Variants in AXIN1 observed in about 807,000 individuals in gnomAD.
The protein encoded by AXIN1 is axin 1.
A neutral mutation model predicts 76.4 loss-of-function variants in AXIN1; 30 were observed. That is an observed-to-expected ratio of 0.39 (90% CI 0.29 to 0.53). The LOEUF (loss-of-function observed/expected upper bound fraction) is 0.53, where lower values mean the gene tolerates loss of function less well. AXIN1 is among the 20% of genes least tolerant of loss of function. The pLI is 0.66. For missense variants in AXIN1, 1,140 were observed against 1,198.8 expected (o/e 0.95, Z 0.72); for synonymous variants, 545 against 501.4 (o/e 1.09, Z -1.16).
intron 2 of AXIN1, among the ~76,000 whole-genome samples, chr16:319,413 G>C (rs8064205): frequency 6.6e-6 from 1 of 152,004 alleles, no homozygotes; most frequent in Non-Finnish European, 1.5e-5. Context: ...AAGTCCAGTG[G>C]AGCGGTGAGG....
At position 289,490 on chromosome 16, in the gene AXIN1, A is replaced by G. The variant is rs2141467626; in HGVS notation, c.2412T>C (p.Ala804=). The G allele has an allele frequency of 6.2e-7, 1 of 1,612,944 alleles. No homozygotes were observed. Among genetic ancestry groups the G allele is most frequent in the Non-Finnish European group, 8.5e-7 (1 of 1,180,020 alleles). ...GCTCCTTGAACTGGCCCAGGGTGAC[A>G]GCGCGGCCCCTCACCAGGGTGCGGT... ...IPYRTLVRGR[A]VTLGQFKELL... Residue 804 remains alanine, a synonymous_variant, in exon 10 of 11, where the codon GCT becomes GCC. Coordinates refer to ENST00000262320, the MANE Select transcript of AXIN1 (RefSeq NM_003502.4).
At chr16:350,032 C>T (rs1384226363) in intron 1 of AXIN1, among the ~76,000 whole-genome samples, 1 of 152,176 alleles carries the variant, frequency 6.6e-6, no homozygotes, top group Non-Finnish European at 1.5e-5. Flanking sequence ...CAAAGCAATC[C>T]ACCCGCCTCG....
intron 2 of AXIN1, among the ~76,000 whole-genome samples, chr16:337,189 G>T (rs1460905888): frequency 3.4e-5 from 5 of 145,066 alleles, no homozygotes; most frequent in Non-Finnish European, 1.5e-5. Context: ...ACACATTTAC[G>T]TGTATCCTTT....
chr16:304,181 G>A (rs111634891), intron 5 of AXIN1, 123 bp downstream of exon 5: 5 of 1,516,876 alleles, frequency 3.3e-6, no homozygotes, highest in Non-Finnish European at 3.6e-6. Context: ...CAGCCGGGAG[G>A]CCTCATGGGT....
chr16:327,115 C>G (rs2053601208), intron 2 of AXIN1, among the ~76,000 whole-genome samples: 1 of 151,790 alleles, frequency 6.6e-6, no homozygotes, highest in South Asian at 2.1e-4. Flanking sequence ...GCACTCCAAC[C>G]TGGGCGACAG....
intron 5 of AXIN1, 43 bp downstream of exon 5, chr16:304,261 C>A (rs764038659): frequency 6.2e-7 from 1 of 1,600,162 alleles, no homozygotes; most frequent in Non-Finnish European, 8.5e-7. Flanking sequence ...AAGAAAACAG[C>A]ACGACACCGA....
chr16:309,147 G>A lies in AXIN1; in HGVS notation c.1116+826C>T, dbSNP rs779141619. ...AGATCGAGACCATCCTGGCTAATAC[G>A]GTGAAACCCCATCTCTACTAAAAAT... On this transcript the variant is annotated intron_variant, in intron 4 of 10. Transcript: ENST00000262320. Among the ~76,000 whole-genome samples the A allele has an allele frequency of 9.9e-5, 15 of 151,980 alleles. 1 individual carries two copies. Among genetic ancestry groups the A allele is most frequent in the Admixed American group, 3.9e-4 (6 of 15,250 alleles).
intron 2 of AXIN1, among the ~76,000 whole-genome samples, chr16:342,226 G>A (rs1178665138): frequency 1.3e-5 from 2 of 152,258 alleles, no homozygotes; most frequent in African/African-American, 4.8e-5. Flanking sequence ...CCTGAAGCCA[G>A]TGAGACCACG....
chr16:320,238 G>A (rs1167332943), intron 2 of AXIN1, among the ~76,000 whole-genome samples: 2 of 152,084 alleles, frequency 1.3e-5, no homozygotes, highest in South Asian at 2.1e-4. Flanking sequence ...TATAGATGAG[G>A]TCTCACTATG....
At chr16:320,743 A>ATATATATATT (rs397722732) in intron 2 of AXIN1, among the ~76,000 whole-genome samples, 3 of 107,628 alleles carry the variant, frequency 2.8e-5, no homozygotes, top group East Asian at 2.3e-4. Context: ...ATATATATAT[A>ATATATATATT]TTTTTTTTTT....
chr16:296,168 C>T (rs913954198), intron 7 of AXIN1, among the ~76,000 whole-genome samples: 3 of 152,240 alleles, frequency 2.0e-5, no homozygotes, highest in Non-Finnish European at 1.5e-5. Context: ...ACGATGAGCC[C>T]GTCCCCACCT....
At chr16:323,215 A>C (rs975431911) in intron 2 of AXIN1, among the ~76,000 whole-genome samples, 2 of 151,288 alleles carry the variant, frequency 1.3e-5, no homozygotes, top group African/African-American at 4.9e-5. Context: ...CAACGCAGGC[A>C]TATCACGAGG....
chr16:352,358 G>A lies in AXIN1; in HGVS notation c.-82+11C>T, dbSNP rs1445461323. 13 of 980,630 alleles carry A rather than the reference G, an allele frequency of 1.3e-5. No individual in the cohort carries two copies. Among genetic ancestry groups the A allele is most frequent in the African/African-American group, 1.8e-5 (1 of 56,742 alleles). The allele number at this position is 980,630 out of a possible 1,614,324, so 60.7% of individuals were successfully genotyped here. ...GCGGCCTAGCCCGCCCCGGAGCCCG[G>A]CCCTACTCACCCGCGCGCGGTGGTG... On this transcript the variant is annotated intron_variant, in intron 1 of 10. Transcript: ENST00000262320.
intron 9 of AXIN1, chr16:290,950 C>G (rs1235781042): frequency 5.2e-6 from 3 of 579,192 alleles, no homozygotes; most frequent in Non-Finnish European, 9.4e-6. Context: ...GCCCAGGCCT[C>G]CAGCCGGGCC....
At chr16:300,080 C>T (rs923380463) in intron 5 of AXIN1, among the ~76,000 whole-genome samples, 1 of 152,146 alleles carries the variant, frequency 6.6e-6, no homozygotes, top group Non-Finnish European at 1.5e-5. Flanking sequence ...GCTGGGATTA[C>T]AGGCACCCAC....
chr16:345,019 G>T (rs185443471), intron 2 of AXIN1, among the ~76,000 whole-genome samples: 2 of 152,196 alleles, frequency 1.3e-5, no homozygotes, highest in East Asian at 3.8e-4. Context: ...TACACAGGCC[G>T]GAGCCTCCGG....
intron 5 of AXIN1, among the ~76,000 whole-genome samples, chr16:299,741 C>T (rs560214288): frequency 2.1e-4 from 32 of 152,222 alleles, no homozygotes; most frequent in Non-Finnish European, 4.3e-4. Flanking sequence ...CTGCAACCTC[C>T]GTCTCCCGGG....
At chr16:331,584 A>T (rs980451245) in intron 2 of AXIN1, among the ~76,000 whole-genome samples, 6 of 152,226 alleles carry the variant, frequency 3.9e-5, no homozygotes, top group Non-Finnish European at 8.8e-5. Context: ...ACTCATGAGA[A>T]TCTATCAAAC....
intron 2 of AXIN1, among the ~76,000 whole-genome samples, chr16:316,566 G>A (rs1052129071): frequency 1.3e-4 from 20 of 152,200 alleles, no homozygotes; most frequent in Admixed American, 4.6e-4. Flanking sequence ...AGTTACTTGC[G>A]TTCAGCCAAG....
Sources: gnomAD v4.1 joint callset for allele counts (sites outside exome capture counted in the v4.1 genomes callset) on GRCh38, gnomAD v4.1.1 for gene constraint, MANE v1.5 for transcripts, NCBI Gene and HGNC (gene_info 2026-07-23, HGNC 2026-07-21) for gene names.